Variants in GBE1 observed in about 807,000 individuals in gnomAD.
The protein encoded by GBE1 is 1,4-alpha-glucan-branching enzyme.
Under a neutral mutation model 88.8 loss-of-function variants are expected in GBE1, and 70 were observed. That is an observed-to-expected ratio of 0.79 (90% CI 0.65 to 0.96). The LOEUF is 0.96. Among genes scored for constraint, GBE1 ranks in the 40% least tolerant of loss-of-function variants. The probability of loss-of-function intolerance (pLI) is 0.00; values close to 1 mark genes in which losing one functional copy is unlikely to be tolerated. For synonymous variants in GBE1, 284 were observed against 300.1 expected, an observed-to-expected ratio of 0.95 and a Z score of 0.56; for missense variants, 872 against 871.0, an observed-to-expected ratio of 1.00 and a Z score of -0.01.
intron 2 of GBE1, among the ~76,000 whole-genome samples, chr3:81,672,574 T>C (rs1167676839): frequency 1.3e-5 from 2 of 151,982 alleles, no homozygotes; most frequent in Admixed American, 6.6e-5. Flanking sequence ...TACATAGGTA[T>C]GTAGTAAAAA....
intron 1 of GBE1, among the ~76,000 whole-genome samples, chr3:81,757,686 T>C (rs1706622376): frequency 1.3e-5 from 2 of 152,198 alleles, no homozygotes; most frequent in Admixed American, 6.5e-5. Flanking sequence ...GACACTGCGA[T>C]TGGGTTGACA....
intron 14 of GBE1, among the ~76,000 whole-genome samples, chr3:81,502,931 T>C (rs1331647786): frequency 1.3e-5 from 2 of 152,224 alleles, no homozygotes; most frequent in Admixed American, 1.3e-4. Context: ...AAAATAAATT[T>C]AGCAGGACAC....
intron 2 of GBE1, among the ~76,000 whole-genome samples, chr3:81,700,850 C>T (rs942370343): frequency 6.6e-6 from 1 of 152,012 alleles, no homozygotes; most frequent in African/African-American, 2.4e-5. Flanking sequence ...CAGTGATAGA[C>T]ATTTAGGTTA....
At chr3:81,611,809 T>A (rs1186930581) in intron 7 of GBE1, among the ~76,000 whole-genome samples, 1 of 152,196 alleles carries the variant, frequency 6.6e-6, no homozygotes, top group Non-Finnish European at 1.5e-5. Context: ...ATGAATAGCA[T>A]TAGTTAGTAG....
intron 2 of GBE1, among the ~76,000 whole-genome samples, chr3:81,676,305 A>G (rs1705251348): frequency 6.6e-6 from 1 of 152,102 alleles, no homozygotes; most frequent in African/African-American, 2.4e-5. Context: ...CCAAGAATGT[A>G]GAAAGGATTC....
chr3:81,612,362 G>T, intron 7 of GBE1: 1 of 786,894 alleles, frequency 1.3e-6, no homozygotes, highest in Non-Finnish European at 2.2e-6. Flanking sequence ...GGACTTTGAA[G>T]ATGGATCACC....
chr3:81,524,088 C>T (rs1490081414), intron 14 of GBE1, among the ~76,000 whole-genome samples: 1 of 151,750 alleles, frequency 6.6e-6, no homozygotes, highest in Non-Finnish European at 1.5e-5. Context: ...GTTCTCCATA[C>T]TGGCTGTACT....
At chr3:81,598,639 T>G (rs1011550903) in intron 7 of GBE1, among the ~76,000 whole-genome samples, 9 of 151,970 alleles carry the variant, frequency 5.9e-5, no homozygotes, top group Admixed American at 6.6e-5. Flanking sequence ...TTGAAATGAT[T>G]GAAAAGTAGT....
At chr3:81,499,925 T>C (rs1165200399) in intron 14 of GBE1, among the ~76,000 whole-genome samples, 1 of 152,174 alleles carries the variant, frequency 6.6e-6, no homozygotes, top group East Asian at 1.9e-4. Context: ...TAAATATGCA[T>C]TGGTACCTTA....
intron 12 of GBE1, among the ~76,000 whole-genome samples, chr3:81,568,001 C>T (rs1049790413): frequency 2.6e-5 from 4 of 152,182 alleles, no homozygotes; most frequent in African/African-American, 9.6e-5. Flanking sequence ...TGACACTAGT[C>T]TCCTTTAATT....
Position 81,578,483 on chromosome 3 carries a change from G to A in GBE1, c.1447-387C>T, listed in dbSNP as rs1272770135. 2.6e-5 allele frequency among the ~76,000 whole-genome samples: 4 copies of A among 151,088 alleles called. No individual in the cohort carries two copies. In the East Asian group the frequency reaches 7.7e-4, roughly 29 times the overall value. ...TATAATGATTTTATTTGCTTTGAAA[G>A]AAGTTTCTGAAAAATCATTGATATA... On this transcript the variant is annotated intron_variant, in intron 11 of 15. Transcript: ENST00000429644.
chr3:81,554,229 T>G (rs1328910496), intron 12 of GBE1, among the ~76,000 whole-genome samples: 2 of 152,168 alleles, frequency 1.3e-5, no homozygotes, highest in African/African-American at 4.8e-5. Context: ...GAATTCAGAT[T>G]TTTTGCAAGT....
intron 2 of GBE1, among the ~76,000 whole-genome samples, chr3:81,673,093 A>G (rs1208778266): frequency 6.6e-6 from 1 of 151,872 alleles, no homozygotes; most frequent in East Asian, 1.9e-4. Flanking sequence ...CCTCAAATAC[A>G]TCTCACCTAT....
chr3:81,740,526 C>G (rs533767981), intron 1 of GBE1, among the ~76,000 whole-genome samples: 1 of 151,964 alleles, frequency 6.6e-6, no homozygotes, highest in Non-Finnish European at 1.5e-5. Context: ...TTCTCATAAA[C>G]GCAGTACGGA....
At chr3:81,729,801 G>A (rs977836636) in intron 1 of GBE1, among the ~76,000 whole-genome samples, 3 of 152,000 alleles carry the variant, frequency 2.0e-5, no homozygotes, top group Admixed American at 1.3e-4. Flanking sequence ...ATGGGTTCAT[G>A]GTCTTTCCCT....
chr3:81,742,869 A>C (rs1706366931), intron 1 of GBE1, among the ~76,000 whole-genome samples: 1 of 152,126 alleles, frequency 6.6e-6, no homozygotes, highest in Non-Finnish European at 1.5e-5. Context: ...GGTATGTGAG[A>C]GAGGTTTTGC....
chr3:81,652,871 G>A (rs969976364), intron 3 of GBE1, among the ~76,000 whole-genome samples: 11 of 152,142 alleles, frequency 7.2e-5, no homozygotes, highest in Admixed American at 5.9e-4. Context: ...CTTTTGGTGA[G>A]GGGGAGGGTA....
At chr3:81,600,586 T>A (rs190062753) in intron 7 of GBE1, among the ~76,000 whole-genome samples, 69 of 152,242 alleles carry the variant, frequency 4.5e-4, no homozygotes, top group African/African-American at 1.6e-3. Flanking sequence ...TGGGAACTGA[T>A]TTTTATTCCA....
chr3:81,575,013 A>C, intron 12 of GBE1, among the ~76,000 whole-genome samples: 1 of 152,004 alleles, frequency 6.6e-6, no homozygotes, highest in East Asian at 1.9e-4. Flanking sequence ...AAAATACAAA[A>C]AATTAGCTGG....
Sources: gnomAD v4.1 joint callset for allele counts (sites outside exome capture counted in the v4.1 genomes callset) on GRCh38, gnomAD v4.1.1 for gene constraint, MANE v1.5 for transcripts, NCBI Gene and HGNC (gene_info 2026-07-23, HGNC 2026-07-21) for gene names.